Variants in NCAM2 observed in about 807,000 individuals in gnomAD.
NCAM2 encodes N-CAM-2.
A neutral mutation model predicts 98.1 loss-of-function variants in NCAM2; 30 were observed. The observed-to-expected ratio is 0.31, with a 90% CI of 0.23 to 0.41. The LOEUF (loss-of-function observed/expected upper bound fraction) is 0.41. Among genes scored for constraint, NCAM2 ranks in the 10% least tolerant of loss-of-function variants. NCAM2 has a pLI of 1.00. For synonymous variants in NCAM2, 368 were observed against 342.4 expected (o/e 1.07, Z -0.83); for missense variants, 867 against 1,005.8 (o/e 0.86, Z 1.87).
rs551803085 is a variant in NCAM2, at chr21:21,448,156, A to G, written c.1654+15875A>G. On this transcript the variant is annotated intron_variant, in intron 12 of 17. Transcript: ENST00000400546. ...CACGGAGCCAACCCAAATGCCCATC[A>G]ATGATAGACTGGATAAAGAAATTGT... 2.3e-3 allele frequency among the ~76,000 whole-genome samples: 348 copies of G among 152,268 alleles called. 1 individual carries two copies. The highest frequency in any genetic ancestry group is 3.8e-3 in the Non-Finnish European group (257 of 68,020).
At chr21:21,454,806 GA>G (rs1285123260) in intron 12 of NCAM2, among the ~76,000 whole-genome samples, 5 of 151,920 alleles carry the variant, frequency 3.3e-5, no homozygotes, top group African/African-American at 4.8e-5. Context: ...GCTTTAAGGA[GA>G]AAACACCTGC....
At chr21:21,060,987 G>A (rs6518063) in intron 1 of NCAM2, among the ~76,000 whole-genome samples, 119,595 of 152,012 alleles carry the variant, frequency 0.79, 47,099 homozygotes, top group East Asian at 0.87. Context: ...GATTGTATGT[G>A]AGGAAGATTT....
chr21:21,050,060 T>C (rs1260503377), intron 1 of NCAM2, among the ~76,000 whole-genome samples: 1 of 152,076 alleles, frequency 6.6e-6, no homozygotes, highest in Non-Finnish European at 1.5e-5. Context: ...ACTGATCAAA[T>C]GACTTCTCAA....
rs2067298504 is a variant in NCAM2, at chr21:21,147,061, C to T, written c.56-133517C>T. ...ACTCCGGAACTCATACGGCTGCCTT[C>T]TACTCCGGAACTGATACCCTTTGCC... On this transcript the variant is annotated intron_variant, in intron 1 of 17. Coordinates refer to ENST00000400546, the MANE Select transcript of NCAM2 (RefSeq NM_004540.5). 3.1e-6 allele frequency: 3 copies of T among 963,322 alleles called. No individual in the cohort carries two copies. In the South Asian group the frequency reaches 1.4e-4, roughly 46 times the overall value. 59.7% of individuals were successfully genotyped at this position (963,322 alleles called of 1,614,324 possible). A position where few individuals can be genotyped will look rare whatever the true frequency, so the allele number is the denominator to read the frequency against.
chr21:21,039,762 A>G (rs964982535), intron 1 of NCAM2, among the ~76,000 whole-genome samples: 8 of 152,190 alleles, frequency 5.3e-5, no homozygotes, highest in African/African-American at 1.9e-4. Flanking sequence ...AAATCACTGA[A>G]GTTGCCGGAG....
At chr21:21,159,054 C>T (rs1008703192) in intron 1 of NCAM2, among the ~76,000 whole-genome samples, 1 of 151,982 alleles carries the variant, frequency 6.6e-6, no homozygotes, top group Non-Finnish European at 1.5e-5. Flanking sequence ...TGATGATCCT[C>T]TCAGTAGGCC....
At chr21:21,262,253 T>G (rs1264815737) in intron 1 of NCAM2, among the ~76,000 whole-genome samples, 2 of 152,028 alleles carry the variant, frequency 1.3e-5, no homozygotes, top group Non-Finnish European at 2.9e-5. Context: ...ACCAGACAGA[T>G]TCACAGCCAC....
intron 1 of NCAM2, among the ~76,000 whole-genome samples, chr21:21,045,188 A>G (rs761023619): frequency 5.1e-4 from 77 of 152,308 alleles, no homozygotes; most frequent in South Asian, 3.3e-3. Flanking sequence ...AAAGATTATC[A>G]TAGTGGAGAA....
intron 8 of NCAM2, among the ~76,000 whole-genome samples, chr21:21,345,885 A>G (rs2075173675): frequency 6.6e-6 from 1 of 152,066 alleles, no homozygotes; most frequent in Non-Finnish European, 1.5e-5. Flanking sequence ...TTTAATACTG[A>G]AACTCCCAAT....
chr21:21,330,074 A>G (rs1435804629), intron 6 of NCAM2, among the ~76,000 whole-genome samples: 1 of 152,084 alleles, frequency 6.6e-6, no homozygotes, highest in African/African-American at 2.4e-5. Context: ...ATGTAGGTCT[A>G]TGCACATACT....
chr21:21,135,423 G>A (rs2067028218), intron 1 of NCAM2, among the ~76,000 whole-genome samples: 1 of 152,076 alleles, frequency 6.6e-6, no homozygotes, highest in Non-Finnish European at 1.5e-5. Flanking sequence ...TCAGTAGAAA[G>A]GATTCGGTAG....
At position 21,199,925 on chromosome 21, in the gene NCAM2, ACT is replaced by A. The variant is rs1392390117; in HGVS notation, c.56-80649_56-80648del. ...TAATTATTAATACAATGGCTTACAC[ACT>A]CTCATAAGTGGCCACTAAAGAGAGA... is the stretch of plus-strand genomic sequence containing the variant. On this transcript the variant is annotated intron_variant, in intron 1 of 17. Transcript: ENST00000400546. Among the ~76,000 whole-genome samples, 6 of 151,970 alleles carry A rather than the reference ACT, an allele frequency of 3.9e-5. No individual in the cohort carries two copies. The South Asian group carries it at 8.3e-4, about 21-fold the overall frequency.
At chr21:21,070,489 G>A (rs1187327542) in intron 1 of NCAM2, among the ~76,000 whole-genome samples, 1 of 152,084 alleles carries the variant, frequency 6.6e-6, no homozygotes, top group East Asian at 1.9e-4. Flanking sequence ...GAGGGCAGTG[G>A]AATTGAACAG....
intron 5 of NCAM2, among the ~76,000 whole-genome samples, chr21:21,303,431 T>C (rs1049865785): frequency 1.3e-5 from 2 of 152,040 alleles, no homozygotes; most frequent in African/African-American, 4.8e-5. Flanking sequence ...GAGATTCATT[T>C]ATGTTATCCC....
intron 16 of NCAM2, among the ~76,000 whole-genome samples, chr21:21,525,494 T>C (rs1989272224): frequency 6.6e-6 from 1 of 152,148 alleles, no homozygotes; most frequent in African/African-American, 2.4e-5. Context: ...CAGACCTTTA[T>C]ATCCATCAAA....
chr21:21,499,876 G>A (rs535043689), intron 15 of NCAM2, among the ~76,000 whole-genome samples: 2 of 152,040 alleles, frequency 1.3e-5, no homozygotes, highest in Non-Finnish European at 2.9e-5. Flanking sequence ...GTATTATATG[G>A]ACCACAAAAT....
chr21:21,356,024 A>C (rs1251747907), intron 8 of NCAM2, among the ~76,000 whole-genome samples: 1 of 152,222 alleles, frequency 6.6e-6, no homozygotes, highest in Non-Finnish European at 1.5e-5. Flanking sequence ...TCCGTAGTGT[A>C]GAAATAGTAT....
chr21:21,351,305 A>T (rs1039148736), intron 8 of NCAM2, among the ~76,000 whole-genome samples: 40 of 152,048 alleles, frequency 2.6e-4, no homozygotes, highest in Admixed American at 2.6e-3. Flanking sequence ...AATATAATTG[A>T]TGTACAGTAG....
intron 16 of NCAM2, among the ~76,000 whole-genome samples, chr21:21,509,794 A>G (rs1191024986): frequency 2.6e-5 from 4 of 152,176 alleles, no homozygotes; most frequent in Non-Finnish European, 5.9e-5. Context: ...TCAAAAGTAG[A>G]ATATGATCAA....
Sources: allele counts gnomAD v4.1 joint callset (sites outside exome capture counted in the v4.1 genomes callset), GRCh38; gene constraint gnomAD v4.1.1; transcripts MANE v1.5; gene names NCBI Gene and HGNC (gene_info 2026-07-23, HGNC 2026-07-21).